FHDC1: variants seen among roughly 807,000 people sequenced by gnomAD.
FHDC1 encodes the protein FH2 domain containing 1.
Under a neutral mutation model 52.6 loss-of-function variants are expected in FHDC1, and 25 were observed. That is an observed-to-expected ratio of 0.48 (90% CI 0.35 to 0.66). The LOEUF is 0.66. FHDC1 is among the 30% of genes least tolerant of loss of function. FHDC1 has a pLI of 0.01. For synonymous variants in FHDC1, 616 were observed against 581.5 expected (o/e 1.06, Z -0.85); for missense variants, 1,459 against 1,452.8 (o/e 1.00, Z -0.07).
rs142157053 is a variant in FHDC1 at position 152,958,030 on chromosome 4, G to A, written c.664-2535G>A. The stretch of plus-strand genomic sequence containing the variant: ...GAGTTGCCTCTGCTGGACATTTGTA[G>A]TATCTCTTTCCCACCTTCTTGGTTG... On this transcript the variant is annotated intron_variant, in intron 4 of 11. Transcript: ENST00000511601. 2.7e-3 allele frequency among the ~76,000 whole-genome samples: 415 copies of A among 152,282 alleles called. 2 individuals are homozygous for A. Among genetic ancestry groups the A allele is most frequent in the African/African-American group, 8.9e-3 (369 of 41,552 alleles).
At position 152,975,317 on chromosome 4, in the gene FHDC1, G is replaced by A. The variant is rs767734339; in HGVS notation, c.2026G>A (p.Val676Met). 4 of 1,613,558 alleles carry A rather than the reference G, an allele frequency of 2.5e-6. No individual in the cohort carries two copies. The highest frequency in any genetic ancestry group is 2.2e-5 in the East Asian group (1 of 44,896). The change falls in exon 12 of 12, where the codon GTG becomes ATG. Residue 676 changes from valine to methionine, a missense_variant. Val to Met is a conservative substitution (Grantham distance 21). This residue lies in a region of FHDC1 where 939 missense variants were observed against 854.5 expected (regional missense o/e 1.10). Transcript: ENST00000511601. ...TCTGGGAATTAAGGAGCATGAGCTG[G>A]TGACAGGGCTGGCCCAGTTCAACCT... ...LALGIKEHEL[V>M]TGLAQFNLQG...
At chr4:152,969,814 C>T (rs893694934) in intron 10 of FHDC1, among the ~76,000 whole-genome samples, 5 of 151,978 alleles carry the variant, frequency 3.3e-5, no homozygotes, top group African/African-American at 1.2e-4. Flanking sequence ...AGACTACAGG[C>T]GCATGTCACC....
At chr4:152,923,916 C>G in the FHDC1 span, among the ~76,000 whole-genome samples, 1 of 152,100 alleles carries the variant, frequency 6.6e-6, no homozygotes, top group South Asian at 2.1e-4. Flanking sequence ...AGAAGAAAAC[C>G]TAGGCATTAC....
chr4:152,968,572 G>A (rs368935158), intron 10 of FHDC1, among the ~76,000 whole-genome samples: 28 of 152,198 alleles, frequency 1.8e-4, no homozygotes, highest in African/African-American at 3.1e-4. Flanking sequence ...CAGGTGATCC[G>A]CACTCACTGG....
chr4:152,968,238 G>GT, intron 10 of FHDC1, 141 bp downstream of exon 10: 1 of 611,296 alleles, frequency 1.6e-6, no homozygotes, highest in Non-Finnish European at 2.9e-6. Context: ...GAGGAACTTG[G>GT]TATTTCCATG....
the FHDC1 span, among the ~76,000 whole-genome samples, chr4:152,914,571 C>G: frequency 6.6e-6 from 1 of 152,128 alleles, no homozygotes; most frequent in African/African-American, 2.4e-5. Context: ...CCACAAGAAC[C>G]AAAATCACAG....
chr4:152,955,440 C>A (rs942841230), intron 4 of FHDC1, among the ~76,000 whole-genome samples: 7 of 152,122 alleles, frequency 4.6e-5, no homozygotes. Flanking sequence ...CTTATAGATA[C>A]CTAAATAATA....
chr4:152,976,805 T>A lies in FHDC1; in HGVS notation c.*82T>A, dbSNP rs1484406368. The stretch of plus-strand genomic sequence containing the variant: ...GACGAGGATGGGGAAAGAGGCAGCA[T>A]GTCTTTGTTACAGATAAAGCAGCCA... On this transcript the variant is annotated 3_prime_UTR_variant, in exon 12 of 12. Transcript: ENST00000511601. The A allele has an allele frequency of 1.4e-6, 2 of 1,432,400 alleles. No homozygotes were observed. Among genetic ancestry groups the A allele is most frequent in the Non-Finnish European group, 1.8e-6 (2 of 1,088,116 alleles). The allele number at this position is 1,432,400 out of a possible 1,614,324, so 88.7% of individuals were successfully genotyped here. A position where few individuals can be genotyped will look rare whatever the true frequency, so the allele number is the denominator to read the frequency against.
At chr4:152,920,854 A>T in the FHDC1 span, among the ~76,000 whole-genome samples, 2,449 of 129,950 alleles carry the variant, frequency 0.019, 70 homozygotes, top group African/African-American at 0.063. Context: ...GTGTCTTTTT[A>T]AAAAAAAAAA....
upstream of FHDC1, among the ~76,000 whole-genome samples, chr4:152,932,199 C>T (rs554985068): frequency 6.7e-6 from 1 of 150,204 alleles, no homozygotes; most frequent in East Asian, 2.0e-4. Context: ...GCCTGGGCAA[C>T]ACAGTGAGAC....
In FHDC1 at chr4:152,976,307, C is replaced by T; in HGVS notation, c.3016C>T (p.His1006Tyr). ...TGAGGAAAATAAGACCTGCCGCGCC[C>T]ACTCCGAGGGCCCTGAGAGTCCCAA... ...KPEENKTCRA[H>Y]SEGPESPKEE... Residue 1006 changes from histidine (H) to tyrosine (Y), a missense_variant, in exon 12 of 12, where the codon CAC becomes TAC. Physicochemically the swap from His to Tyr is moderately conservative, Grantham distance 83 (BLOSUM62 2). This residue lies in a region of FHDC1 where 939 missense variants were observed against 854.5 expected (regional missense o/e 1.10). Transcript: ENST00000511601. 3 of 1,613,646 alleles carry T rather than the reference C, an allele frequency of 1.9e-6. No homozygotes were observed. The highest frequency in any genetic ancestry group is 2.5e-6 in the Non-Finnish European group (3 of 1,180,012).
intron 2 of FHDC1, among the ~76,000 whole-genome samples, chr4:152,950,377 AGGATGCC>A (rs1053832923): frequency 3.9e-5 from 6 of 152,210 alleles, no homozygotes; most frequent in Admixed American, 3.3e-4. Context: ...GGCAAATCTG[AGGATGCC>A]GGGAGCGAGT....
the FHDC1 span, among the ~76,000 whole-genome samples, chr4:152,929,018 C>T: frequency 5.1e-3 from 782 of 152,078 alleles, 6 homozygotes; most frequent in African/African-American, 0.018. The surrounding 1 kb of genome is among the most constrained non-coding windows in gnomAD (Gnocchi z 4.1). Context: ...TAAGGACACA[C>T]CCATGACATA....
intron 4 of FHDC1, among the ~76,000 whole-genome samples, chr4:152,955,830 A>G (rs1004298453): frequency 3.9e-5 from 6 of 152,228 alleles, no homozygotes; most frequent in African/African-American, 9.6e-5. Context: ...TCCTTTTCAC[A>G]GGCACTTCTG....
chr4:152,913,714 C>G, the FHDC1 span, among the ~76,000 whole-genome samples: 1 of 151,996 alleles, frequency 6.6e-6, no homozygotes, highest in Non-Finnish European at 1.5e-5. Context: ...GAGTTTCACT[C>G]GTTGCCCAGG....
At chr4:152,972,722 G>T (rs1384017337) in intron 11 of FHDC1, among the ~76,000 whole-genome samples, 181 bp downstream of exon 11, 2 of 152,232 alleles carry the variant, frequency 1.3e-5, no homozygotes, top group African/African-American at 4.8e-5. Flanking sequence ...TGCCATCCCA[G>T]CCCCGAGGGC....
chr4:152,937,423 C>T lies in FHDC1; in HGVS notation c.-131+1014C>T, dbSNP rs916891112. Among the ~76,000 whole-genome samples the T allele has an allele frequency of 2.0e-5, 3 of 151,812 alleles. No homozygotes were observed. In the South Asian group the frequency reaches 6.2e-4, roughly 31 times the overall value. On this transcript the variant is annotated intron_variant, in intron 1 of 11. Transcript: ENST00000511601. ...TGCTAAACCCCCGCAGAGGGGCTGG[C>T]GCCCTGGGGGGCGTGGCGTGGGGAG... is the stretch of plus-strand genomic sequence containing the variant.
At chr4:152,955,855 T>A (rs1033853192) in intron 4 of FHDC1, among the ~76,000 whole-genome samples, 1 of 152,220 alleles carries the variant, frequency 6.6e-6, no homozygotes, top group African/African-American at 2.4e-5. Context: ...CTCCCTCCCC[T>A]TTCCCACTCT....
At chr4:152,925,866 GAA>G in the FHDC1 span, among the ~76,000 whole-genome samples, 3 of 55,776 alleles carry the variant, frequency 5.4e-5, no homozygotes, top group East Asian at 2.0e-3. Flanking sequence ...GAGAGGAGAA[GAA>G]GGAGGAGAAG....
Sources: gnomAD v4.1 joint callset for allele counts (sites outside exome capture counted in the v4.1 genomes callset) on GRCh38, gnomAD v4.1.1 for gene constraint, gnomAD v4.1.1 regional missense constraint, Gnocchi (gnomAD v3.1) non-coding constraint, MANE v1.5 for transcripts, NCBI Gene and HGNC (gene_info 2026-07-23, HGNC 2026-07-21) for gene names.